Variants in ZNF407 observed in about 807,000 individuals in gnomAD.
ZNF407 encodes the protein zinc finger protein 407.
In ZNF407, 17 loss-of-function variants were observed where a neutral mutation model predicts 131.2. The ratio of observed to expected loss-of-function variants is 0.13; its 90% CI spans 0.09 to 0.19. The LOEUF (loss-of-function observed/expected upper bound fraction) is 0.19, where lower values mean the gene tolerates loss of function less well. Ranked by LOEUF, ZNF407 falls within the 10% of genes least tolerant of loss-of-function variation. The pLI, the probability that ZNF407 is intolerant of heterozygous loss-of-function variation, is 1.00. For missense variants in ZNF407, 2,681 were observed against 2,830.6 expected, an observed-to-expected ratio of 0.95 and a Z score of 1.20; for synonymous variants, 1,156 against 1,062.0, an observed-to-expected ratio of 1.09 and a Z score of -1.72.
At chr18:74,991,867 G>GT (rs1278217773) in intron 8 of ZNF407, among the ~76,000 whole-genome samples, 1 of 152,182 alleles carries the variant, frequency 6.6e-6, no homozygotes, top group Non-Finnish European at 1.5e-5. Context: ...TTCTCAAACA[G>GT]TTTTGAGAGA....
chr18:74,615,273 G>A (rs1487237066), intron 1 of ZNF407, among the ~76,000 whole-genome samples: 1 of 152,214 alleles, frequency 6.6e-6, no homozygotes, highest in African/African-American at 2.4e-5. Context: ...TTGGGAGGCC[G>A]AGGTGGGCAG....
At chr18:74,992,232 G>A (rs1004358989) in intron 8 of ZNF407, among the ~76,000 whole-genome samples, 1 of 152,198 alleles carries the variant, frequency 6.6e-6, no homozygotes, top group East Asian at 1.9e-4. Flanking sequence ...AAAAGGCATA[G>A]TAAATAATTA....
intron 8 of ZNF407, among the ~76,000 whole-genome samples, chr18:75,056,546 A>T (rs1295220067): frequency 1.3e-5 from 2 of 152,218 alleles, no homozygotes; most frequent in Non-Finnish European, 2.9e-5. Flanking sequence ...GGAAGTTCAC[A>T]TTGTTTAGTA....
chr18:74,804,390 C>T (rs1325788000), intron 4 of ZNF407: 1 of 1,022,324 alleles, frequency 9.8e-7, no homozygotes, highest in South Asian at 4.3e-5. Context: ...GTGACAAATG[C>T]CTGGCATATT....
intron 4 of ZNF407, among the ~76,000 whole-genome samples, chr18:74,821,999 G>A (rs1321604115): frequency 1.3e-5 from 2 of 152,166 alleles, no homozygotes; most frequent in African/African-American, 4.8e-5. Context: ...TTGTGGTTTT[G>A]ATTTGCATTT....
intron 4 of ZNF407, among the ~76,000 whole-genome samples, chr18:74,844,832 A>G (rs369398053): frequency 1.3e-5 from 2 of 152,304 alleles, no homozygotes; most frequent in East Asian, 3.9e-4. Context: ...AAGGCCACCA[A>G]TAAAGGACTC....
intron 4 of ZNF407, among the ~76,000 whole-genome samples, chr18:74,867,141 A>C (rs1366197741): frequency 1.3e-5 from 2 of 152,178 alleles, no homozygotes; most frequent in Non-Finnish European, 2.9e-5. Flanking sequence ...GTGTCAGTTA[A>C]TGGTTCTAAC....
At chr18:74,860,532 A>C (rs1029142679) in intron 4 of ZNF407, among the ~76,000 whole-genome samples, 3 of 150,632 alleles carry the variant, frequency 2.0e-5, no homozygotes, top group Non-Finnish European at 3.0e-5. Flanking sequence ...ACAAGCAAAA[A>C]ATGAAATCGT....
intron 3 of ZNF407, among the ~76,000 whole-genome samples, chr18:74,647,293 A>T (rs1299205330): frequency 2.0e-5 from 3 of 152,010 alleles, no homozygotes; most frequent in African/African-American, 7.3e-5. Flanking sequence ...AAATAAAAAT[A>T]ATTAGCTGTG....
At chr18:74,653,960 G>A (rs918908140) in intron 3 of ZNF407, among the ~76,000 whole-genome samples, 5 of 151,704 alleles carry the variant, frequency 3.3e-5, no homozygotes, top group African/African-American at 1.2e-4. Context: ...TATGTCCATC[G>A]ATATAATTTT....
chr18:74,616,613 G>T (rs1284533293), intron 1 of ZNF407, among the ~76,000 whole-genome samples: 7 of 151,760 alleles, frequency 4.6e-5, no homozygotes, highest in Non-Finnish European at 7.4e-5. Flanking sequence ...TTAAAAAAAT[G>T]CACAAACAAA....
In ZNF407 at chr18:74,632,597, G is replaced by T. The variant is rs7227391; in HGVS notation, c.1578G>T (p.Thr526=). 1 of 1,613,964 alleles carries T rather than the reference G, an allele frequency of 6.2e-7. No homozygotes were observed. Among genetic ancestry groups the T allele is most frequent in the African/African-American group, 1.3e-5 (1 of 75,044 alleles). The part of the protein sequence containing the change: ...LTVKPASGSQ[T]LCACTDCGQV... The stretch of plus-strand genomic sequence containing the variant: ...TGAAGCCAGCTTCTGGCTCTCAGAC[G>T]TTGTGTGCTTGTACAGACTGTGGGC... Residue 526 remains threonine (T), a synonymous_variant, in exon 2 of 9, where the codon ACG becomes ACT. Transcript: ENST00000299687.
chr18:74,852,116 T>C (rs1034279852), intron 4 of ZNF407, among the ~76,000 whole-genome samples: 2 of 152,050 alleles, frequency 1.3e-5, no homozygotes, highest in African/African-American at 4.8e-5. Context: ...GTCAGGACTT[T>C]CTGGTCCTAA....
chr18:74,958,146 C>A (rs1972297877), intron 8 of ZNF407, among the ~76,000 whole-genome samples: 1 of 152,088 alleles, frequency 6.6e-6, no homozygotes, highest in Admixed American at 6.5e-5. Flanking sequence ...GTATTCATTC[C>A]TTCATTCTTT....
chr18:74,898,293 A>T (rs543399702), intron 7 of ZNF407: 4 of 152,322 alleles, frequency 2.6e-5, no homozygotes, highest in Non-Finnish European at 5.9e-5. Context: ...TAAATTTTAC[A>T]TCTTTGTCTT....
intron 7 of ZNF407, among the ~76,000 whole-genome samples, chr18:74,905,075 A>G (rs1274539540): frequency 6.6e-6 from 1 of 152,178 alleles, no homozygotes; most frequent in African/African-American, 2.4e-5. Context: ...TGCTCTTAAC[A>G]TACACAACTC....
intron 4 of ZNF407, among the ~76,000 whole-genome samples, chr18:74,875,820 A>G (rs1028149854): frequency 2.6e-5 from 4 of 152,216 alleles, no homozygotes; most frequent in Admixed American, 2.6e-4. Flanking sequence ...CAATTTTAAT[A>G]TTAATGAAGC....
At chr18:75,023,148 G>T (rs1296722593) in intron 8 of ZNF407, among the ~76,000 whole-genome samples, 1 of 152,106 alleles carries the variant, frequency 6.6e-6, no homozygotes, top group Admixed American at 6.5e-5. Context: ...ATGGACACAG[G>T]AAGGAGAACA....
intron 8 of ZNF407, among the ~76,000 whole-genome samples, chr18:75,058,152 C>T (rs1283504623): frequency 1.3e-5 from 2 of 152,206 alleles, no homozygotes; most frequent in South Asian, 4.1e-4. Context: ...CCTCCACCCC[C>T]GCATAATGGA....
Sources: allele counts gnomAD v4.1 joint callset (sites outside exome capture counted in the v4.1 genomes callset), GRCh38; gene constraint gnomAD v4.1.1; transcripts MANE v1.5; gene names NCBI Gene and HGNC (gene_info 2026-07-23, HGNC 2026-07-21).